PER2: variants seen among roughly 807,000 people sequenced by gnomAD.
PER2 encodes period circadian protein homolog 2.
A neutral mutation model predicts 121.0 loss-of-function variants in PER2; 66 were observed. That is an observed-to-expected ratio of 0.55 (90% CI 0.45 to 0.67). PER2 has a LOEUF of 0.67. Ranked by LOEUF, PER2 falls within the 30% of genes least tolerant of loss-of-function variation. The pLI, the probability that PER2 is intolerant of heterozygous loss-of-function variation, is 0.00. For synonymous variants in PER2, 684 were observed against 659.9 expected, an observed-to-expected ratio of 1.04 and a Z score of -0.56; for missense variants, 1,521 against 1,635.0, an observed-to-expected ratio of 0.93 and a Z score of 1.20.
In PER2 at chr2:238,252,764, C is replaced by A; in HGVS notation, c.3111+148G>T. 1.3e-6 allele frequency: 1 copy of A among 777,716 alleles called. No homozygotes were observed. The highest frequency in any genetic ancestry group is 2.3e-6 in the Non-Finnish European group (1 of 433,640). 48.2% of individuals were successfully genotyped at this position (777,716 alleles called of 1,614,324 possible). On this transcript the variant is annotated intron_variant, in intron 19 of 22. Coordinates refer to ENST00000254657, the MANE Select transcript of PER2 (RefSeq NM_022817.3). This position sits in a 1 kb window ranked among gnomAD's most constrained non-coding sequence, Gnocchi z 4.2. ...AGGATTAAGTGGGAAGCATGAATTT[C>A]TGGCACACACATTCATGGCAAAACC...
intron 22 of PER2, among the ~76,000 whole-genome samples, chr2:238,248,489 G>A (rs1476984264): frequency 6.6e-6 from 1 of 151,542 alleles, no homozygotes; most frequent in African/African-American, 2.4e-5. Flanking sequence ...GTTTTTTTTT[G>A]TAAAATAGAA....
At chr2:238,261,938 T>C in intron 11 of PER2, 101 bp from the exon 12 acceptor site, 1 of 847,476 alleles carries the variant, frequency 1.2e-6, no homozygotes, top group Non-Finnish European at 1.9e-6. Flanking sequence ...GTGGGCCCTC[T>C]GCCTCTCCCC....
Position 238,259,958 on chromosome 2 carries a change from T to C in PER2, c.1627+11A>G, listed in dbSNP as rs112348103. ...TTTCAGTAAGGAAATGTTGAATATT[T>C]TTTTTTTTACCTGTAACGGATTTTT... On this transcript the variant is annotated intron_variant, in intron 14 of 22. Transcript: ENST00000254657. 3.3e-4 allele frequency: 407 copies of C among 1,227,024 alleles called. 1 individual carries two copies. The highest frequency in any genetic ancestry group is 2.9e-3 in the African/African-American group (198 of 67,708). The allele number at this position is 1,227,024 out of a possible 1,614,324, so 76.0% of individuals were successfully genotyped here. A position where few individuals can be genotyped will look rare whatever the true frequency, so the allele number is the denominator to read the frequency against.
rs912195258 is a variant in PER2, at chr2:238,262,171, C to T, written c.1307+20G>A. 16 of 1,611,996 alleles carry T rather than the reference C, an allele frequency of 9.9e-6. No homozygotes were observed. Among genetic ancestry groups the T allele is most frequent in the Middle Eastern group, 1.9e-4 (1 of 5,302 alleles). On this transcript the variant is annotated intron_variant, in intron 11 of 22. Transcript: ENST00000254657. The stretch of plus-strand genomic sequence containing the variant: ...CCCGCCCAAGACCCCTGAGCCACCT[C>T]GGGCCCTTGGAGCACTCACACCCTG...
At chr2:238,287,560 C>T (rs553956603) in intron 1 of PER2, among the ~76,000 whole-genome samples, 1 of 152,328 alleles carries the variant, frequency 6.6e-6, no homozygotes, top group South Asian at 2.1e-4. Flanking sequence ...CAAATTCCAG[C>T]CCACCCAGGA....
At chr2:238,258,248 T>A in intron 16 of PER2, 28 bp downstream of exon 16, 1 of 1,613,218 alleles carries the variant, frequency 6.2e-7, no homozygotes. Context: ...TTATTTCACA[T>A]GTACATGGCT....
chr2:238,246,345 G>T lies in PER2; in HGVS notation c.*30C>A, dbSNP rs372988688. 1.9e-6 allele frequency: 3 copies of T among 1,555,426 alleles called. No homozygotes were observed. The highest frequency in any genetic ancestry group is 2.6e-6 in the Non-Finnish European group (3 of 1,144,172). ...TTCCAAGCACCACCTGGTGTACCTC[G>T]CTGGCTGCCGGGCTGAGGTGGGGCA... On this transcript the variant is annotated 3_prime_UTR_variant, in exon 23 of 23. Coordinates refer to ENST00000254657, the MANE Select transcript of PER2 (RefSeq NM_022817.3).
In PER2 at chr2:238,252,706, G is replaced by A. The variant is rs916394227; in HGVS notation, c.3111+206C>T. The stretch of plus-strand genomic sequence containing the variant: ...CTCTCCTCCTTCATTCAGATTCCAC[G>A]ACAATAAAAGGCTTCGAATAATCTA... On this transcript the variant is annotated intron_variant, in intron 19 of 22. Coordinates refer to ENST00000254657, the MANE Select transcript of PER2 (RefSeq NM_022817.3). The surrounding 1 kb of genome is among the most constrained non-coding windows in gnomAD (Gnocchi z 4.2). Among the ~76,000 whole-genome samples, 3 of 152,172 alleles carry A rather than the reference G, an allele frequency of 2.0e-5. No individual in the cohort carries two copies. The highest frequency in any genetic ancestry group is 4.8e-5 in the African/African-American group (2 of 41,434).
intron 17 of PER2, among the ~76,000 whole-genome samples, chr2:238,256,329 C>A (rs1695759110): frequency 6.6e-6 from 1 of 152,226 alleles, no homozygotes; most frequent in South Asian, 2.1e-4. Flanking sequence ...AAGGGACAGG[C>A]AGGGCCACTG....
chr2:238,251,459 G>C (rs1318007828), intron 20 of PER2, 140 bp downstream of exon 20: 4 of 754,370 alleles, frequency 5.3e-6, no homozygotes, highest in African/African-American at 3.4e-5. Context: ...TGTCTGTGTG[G>C]GTGTCTGCAT....
intron 22 of PER2, among the ~76,000 whole-genome samples, chr2:238,248,238 G>T (rs138485589): frequency 8.5e-5 from 13 of 152,336 alleles, no homozygotes; most frequent in African/African-American, 3.1e-4. Context: ...GCTGCCAATG[G>T]TCCCTGGGAC....
rs910541669 is a variant in PER2 at position 238,250,551 on chromosome 2, C to T, written c.3467G>A (p.Arg1156Gln). The T allele has an allele frequency of 4.3e-6, 7 of 1,609,298 alleles. No homozygotes were observed. The African/African-American group carries it at 8.0e-5, about 18-fold the overall frequency. Residue 1156 changes from arginine to glutamine, a missense_variant and splice_region_variant, in exon 21 of 23, where the codon CGA (arginine) becomes CAA (glutamine). Coordinates refer to ENST00000254657, the MANE Select transcript of PER2 (RefSeq NM_022817.3). ...GCCTAGGAAAACGCTGGGTGGTTACCGGGAAGGCAGCTGGTACGTCATCAT... is the reference window on the plus strand; with the variant it reads ...GCCTAGGAAAACGCTGGGTGGTTACTGGGAAGGCAGCTGGTACGTCATCAT... ...SVMMTYQLPS[R>Q]NLEAVLKEDR...
the PER2 span, among the ~76,000 whole-genome samples, chr2:238,296,085 C>CACGGACACGGGCAGACA: frequency 1.9e-5 from 1 of 52,866 alleles, no homozygotes; most frequent in South Asian, 9.4e-4. Context: ...GTGTGCCCTC[C>CACGGACACGGGCAGACA]TGCTGCAGAG....
At chr2:238,297,056 ACC>A in the PER2 span, among the ~76,000 whole-genome samples, 2 of 152,050 alleles carry the variant, frequency 1.3e-5, no homozygotes, top group African/African-American at 4.8e-5. Flanking sequence ...GTCACAAATA[ACC>A]CCCAAAAGGG....
At chr2:238,263,783 A>G (rs763657500) in intron 9 of PER2, among the ~76,000 whole-genome samples, 3 of 152,120 alleles carry the variant, frequency 2.0e-5, no homozygotes, top group Non-Finnish European at 4.4e-5. Context: ...TCTTTAGACC[A>G]TGGTGCAGAA....
chr2:238,273,171 G>C lies in PER2; in HGVS notation c.469C>G (p.Leu157Val). The C allele has an allele frequency of 6.2e-7, 1 of 1,613,896 alleles. No homozygotes were observed. ...GGGTGACCCTCGCTGGACATCAGCA[G>C]CTGGTAATACTCTTCATTGGCTGCA... ...QVKANEEYYQ[L>V]LMSSEGHPCG... is the part of the protein sequence containing the mutation. Residue 157 changes from leucine to valine, a missense_variant, in exon 5 of 23, where the codon CTG (leucine) becomes GTG (valine). Physicochemically the swap from Leu to Val is conservative, Grantham distance 32. Transcript: ENST00000254657.
chr2:238,294,048 C>T (rs1697004945), upstream of PER2, among the ~76,000 whole-genome samples: 1 of 152,188 alleles, frequency 6.6e-6, no homozygotes, highest in African/African-American at 2.4e-5. Flanking sequence ...CTGATCCCCC[C>T]CACACCCAAG....
At position 238,256,783 on chromosome 2, in the gene PER2, C is replaced by A. The variant is rs917929847; in HGVS notation, c.2065+139G>T. ...TGGCCGCACTCCACCCTGCATTTTA[C>A]GTAACTGGATTTCCTGAAACGCCCC... On this transcript the variant is annotated intron_variant, in intron 17 of 22. Coordinates refer to ENST00000254657, the MANE Select transcript of PER2 (RefSeq NM_022817.3). 6.6e-6 allele frequency: 6 copies of A among 914,302 alleles called. No homozygotes were observed. In the African/African-American group the frequency reaches 6.6e-5, roughly 10 times the overall value. 56.6% of individuals were successfully genotyped at this position (914,302 alleles called of 1,614,324 possible).
In PER2 at chr2:238,278,078, T is replaced by TCTG. The variant is rs1553604923; in HGVS notation, c.-19-124_-19-123insCAG. 38 of 935,084 alleles carry TCTG rather than the reference T, an allele frequency of 4.1e-5. No homozygotes were observed. The East Asian group carries it at 9.1e-4, about 22-fold the overall frequency. 57.9% of individuals were successfully genotyped at this position (935,084 alleles called of 1,614,324 possible). On this transcript the variant is annotated intron_variant, in intron 1 of 22. Transcript: ENST00000254657. ...AATGAAACTGCAGTCTCTTTCTTTCTTCTCTCTGTCTCTCTCTCTCTCTCT... is the reference window on the plus strand; with the variant it reads ...AATGAAACTGCAGTCTCTTTCTTTCTCTGTCTCTCTGTCTCTCTCTCTCTCTCT...
Sources: allele counts gnomAD v4.1 joint callset (sites outside exome capture counted in the v4.1 genomes callset), GRCh38; gene constraint gnomAD v4.1.1; non-coding constraint Gnocchi (gnomAD v3.1); transcripts MANE v1.5; gene names NCBI Gene and HGNC (gene_info 2026-07-23, HGNC 2026-07-21).